Variants in S100A6 observed in about 807,000 individuals in gnomAD.
S100A6 encodes the protein S100 calcium binding protein A6, also known as protein S100-A6.
A neutral mutation model predicts 3.5 loss-of-function variants in S100A6; 3 were observed. The observed-to-expected ratio is 0.87, with a 90% CI of 0.39 to 2.24. S100A6 has a LOEUF of 2.24. Among genes scored for constraint, S100A6 ranks in the 30% most tolerant of loss-of-function variants. The pLI is 0.05. For missense variants in S100A6, 114 were observed against 105.3 expected, an observed-to-expected ratio of 1.08 and a Z score of -0.36; for synonymous variants, 48 against 45.2, an observed-to-expected ratio of 1.06 and a Z score of -0.25.
Position 153,534,674 on chromosome 1 carries a change from T to C in S100A6, c.*22A>G. 1.3e-6 allele frequency: 2 copies of C among 1,577,252 alleles called. No individual in the cohort carries two copies. The highest frequency in any genetic ancestry group is 2.3e-5 in the South Asian group (2 of 86,082). On this transcript the variant is annotated 3_prime_UTR_variant, in exon 3 of 3. Transcript: ENST00000368719. Reference sequence around the variant, plus strand: ...ACTCAGAGAGGACCCCCAGAGGGTGTCTCCATCTTCCCTATTTATTTTCAG... The same window carrying C: ...ACTCAGAGAGGACCCCCAGAGGGTGCCTCCATCTTCCCTATTTATTTTCAG...
rs575037588 is a variant in S100A6 at position 153,535,712 on chromosome 1, C to T, written c.-22+237G>A. ...AGCTTCACAGGGCCACACATGGTGG[C>T]AATGACACACCCAGGGCACTCCCTT... is the stretch of plus-strand genomic sequence containing the variant. On this transcript the variant is annotated intron_variant, in intron 1 of 2. Transcript: ENST00000368719. 2.5e-5 allele frequency: 5 copies of T among 198,418 alleles called. No individual in the cohort carries two copies. In the South Asian group the frequency reaches 3.5e-4, roughly 14 times the overall value. 12.3% of individuals were successfully genotyped at this position (198,418 alleles called of 1,614,324 possible). A position where few individuals can be genotyped will look rare whatever the true frequency, so the allele number is the denominator to read the frequency against.
intron 1 of S100A6, 27 bp downstream of exon 1, chr1:153,535,922 T>C (rs1047200356): frequency 6.6e-6 from 1 of 152,654 alleles, no homozygotes; most frequent in Non-Finnish European, 1.5e-5. Context: ...CCCTGGAAAG[T>C]ACCCAGGGCT....
Position 153,534,792 on chromosome 1 carries a change from G to C in S100A6, c.177C>G (p.Asp59Glu). Residue 59 changes from aspartate to glutamate, a missense_variant, in exon 3 of 3, where the codon GAC becomes GAG. Transcript: ENST00000368719. ...QDAEIARLME[D>E]LDRNKDQEVN... The stretch of plus-strand genomic sequence containing the variant: ...CCTCCTGGTCCTTGTTCCGGTCCAA[G>C]TCTTCCATCAGCCTTGCAATTTCAG... 2.5e-6 allele frequency: 4 copies of C among 1,613,938 alleles called. 1 individual carries two copies. In the Middle Eastern group the frequency reaches 5.0e-4, roughly 203 times the overall value.
chr1:153,534,948 A>T, intron 2 of S100A6, 118 bp from the exon 3 acceptor site: 3 of 1,334,294 alleles, frequency 2.2e-6, no homozygotes, highest in Non-Finnish European at 2.1e-6. Context: ...ATCACCAAGG[A>T]CCCATGTCAC....
intron 1 of S100A6, among the ~76,000 whole-genome samples, chr1:153,535,576 AG>A (rs1243813929): frequency 2.6e-5 from 4 of 152,240 alleles, no homozygotes; most frequent in Non-Finnish European, 4.4e-5. Flanking sequence ...AGAAGCATAT[AG>A]GAACAGTAGC....
Position 153,534,649 on chromosome 1 carries a change from A to G in S100A6, c.*47T>C. 1 of 1,526,600 alleles carries G rather than the reference A, an allele frequency of 6.6e-7. No individual in the cohort carries two copies. The highest frequency in any genetic ancestry group is 8.8e-7 in the Non-Finnish European group (1 of 1,138,328). The allele number at this position is 1,526,600 out of a possible 1,614,324, so 94.6% of individuals were successfully genotyped here. On this transcript the variant is annotated 3_prime_UTR_variant, in exon 3 of 3. Coordinates refer to ENST00000368719, the MANE Select transcript of S100A6 (RefSeq NM_014624.4). Reference sequence around the variant, plus strand: ...GTACAATTACCCACCACTGGATTTGACTCAGAGAGGACCCCCAGAGGGTGT... The same window carrying G: ...GTACAATTACCCACCACTGGATTTGGCTCAGAGAGGACCCCCAGAGGGTGT...
Position 153,535,257 on chromosome 1 carries a change from G to T in S100A6, c.83C>A (p.Thr28Asn). The T allele has an allele frequency of 1.9e-6, 3 of 1,614,142 alleles. No homozygotes were observed. The highest frequency in any genetic ancestry group is 1.7e-6 in the Non-Finnish European group (2 of 1,180,024). Residue 28 changes from threonine (T) to asparagine (N), a missense_variant, in exon 2 of 3, where the codon ACC (threonine) becomes AAC (asparagine). By Grantham distance (65) the Thr-to-Asn change is moderately conservative (BLOSUM62 0). Transcript: ENST00000368719. ...CTCCTTCAGCTCCTTCTTGCTCAGG[G>T]TGTGCTTGTCACCCTCCCTGCCGGA... ...KYSGREGDKH[T>N]LSKKELKELI...
Position 153,535,283 on chromosome 1 carries a change from G to C in S100A6, c.57C>G (p.Tyr19Ter), listed in dbSNP as rs754947589. The C allele has an allele frequency of 6.2e-7, 1 of 1,614,200 alleles. No individual in the cohort carries two copies. Among genetic ancestry groups the C allele is most frequent in the Non-Finnish European group, 8.5e-7 (1 of 1,180,042 alleles). ...IGLLVAIFHK[Y>*]SGREGDKHTL... ...TGTGCTTGTCACCCTCCCTGCCGGAGTACTTGTGGAAGATGGCCACGAGGA... is the reference window on the plus strand; with the variant it reads ...TGTGCTTGTCACCCTCCCTGCCGGACTACTTGTGGAAGATGGCCACGAGGA... The change falls in exon 2 of 3, where the codon TAC (tyrosine) becomes TAG (stop). Residue 19 changes from tyrosine (Y) to a stop codon, truncating the protein, a stop_gained. Coordinates refer to ENST00000368719, the MANE Select transcript of S100A6 (RefSeq NM_014624.4). LOFTEE classifies it high-confidence loss of function.
rs1423851163 is a variant in S100A6 at position 153,534,748 on chromosome 1, A to G, written c.221T>C (p.Val74Ala). Residue 74 changes from valine (V) to alanine (A), a missense_variant, in exon 3 of 3, where the codon GTC becomes GCC. Transcript: ENST00000368719. ...CAAAGCCAAGGCCCCCAGGAAGGTG[A>G]CATACTCCTGGAAGTTCACCTCCTG... The part of the protein sequence containing the change: ...KDQEVNFQEY[V>A]TFLGALALIY... The G allele has an allele frequency of 6.2e-7, 1 of 1,614,014 alleles. No homozygotes were observed. Among genetic ancestry groups the G allele is most frequent in the Admixed American group, 1.7e-5 (1 of 59,998 alleles).
chr1:153,535,273 C>T lies in S100A6; in HGVS notation c.67G>A (p.Glu23Lys). 2.5e-6 allele frequency: 4 copies of T among 1,614,190 alleles called. No homozygotes were observed. Among genetic ancestry groups the T allele is most frequent in the South Asian group, 1.1e-5 (1 of 91,078 alleles). The change falls in exon 2 of 3, where the codon GAG (glutamate) becomes AAG (lysine). Residue 23 changes from glutamate to lysine, a missense_variant. By Grantham distance (56) the Glu-to-Lys change is moderately conservative. Coordinates refer to ENST00000368719, the MANE Select transcript of S100A6 (RefSeq NM_014624.4). ...VAIFHKYSGREGDKHTLSKKE... is the reference protein window; with the variant it reads ...VAIFHKYSGRKGDKHTLSKKE... Reference sequence around the variant, plus strand: ...TTGCTCAGGGTGTGCTTGTCACCCTCCCTGCCGGAGTACTTGTGGAAGATG... The same window carrying T: ...TTGCTCAGGGTGTGCTTGTCACCCTTCCTGCCGGAGTACTTGTGGAAGATG...
Position 153,534,674 on chromosome 1 carries a change from T to G in S100A6, c.*22A>C. 1 of 1,577,252 alleles carries G rather than the reference T, an allele frequency of 6.3e-7. No homozygotes were observed. The highest frequency in any genetic ancestry group is 8.6e-7 in the Non-Finnish European group (1 of 1,162,300). ...ACTCAGAGAGGACCCCCAGAGGGTG[T>G]CTCCATCTTCCCTATTTATTTTCAG... On this transcript the variant is annotated 3_prime_UTR_variant, in exon 3 of 3. Transcript: ENST00000368719.
Position 153,534,701 on chromosome 1 carries a change from C to G in S100A6, c.268G>C (p.Gly90Arg), listed in dbSNP as rs1194117899. ...TCCATCTTCCCTATTTATTTTCAGC[C>G]CTTGAGGGCTTCATTGTAGATCAAA... ...LALIYNEALKG is the reference protein window; with the variant it reads ...LALIYNEALKR The change falls in exon 3 of 3, where the codon GGC becomes CGC. Residue 90 changes from glycine to arginine, a missense_variant. Transcript: ENST00000368719. 5 of 1,607,372 alleles carry G rather than the reference C, an allele frequency of 3.1e-6. No homozygotes were observed. In the South Asian group the frequency reaches 5.6e-5, roughly 18 times the overall value.
intron 2 of S100A6, 101 bp downstream of exon 2, chr1:153,535,101 G>A (rs781350762): frequency 7.3e-6 from 11 of 1,504,422 alleles, no homozygotes; most frequent in East Asian, 2.3e-5. Flanking sequence ...CTCAGAATGT[G>A]GGTAAATGTG....
At chr1:153,534,969 C>T in intron 2 of S100A6, 139 bp from the exon 3 acceptor site, 1 of 1,217,030 alleles carries the variant, frequency 8.2e-7, no homozygotes, top group Non-Finnish European at 1.1e-6. Context: ...TTTGGCATTG[C>T]TTCTCCTCAG....
In S100A6 at chr1:153,535,374, G is replaced by T; in HGVS notation, c.-21-14C>A. ...CTGGGCTTGGAGCTGGCAGCAGAGG[G>T]CCTAGTCAGTGCCATGGGAGCAAGG... On this transcript the variant is annotated splice_polypyrimidine_tract_variant and intron_variant, in intron 1 of 2. Transcript: ENST00000368719. The T allele has an allele frequency of 1.2e-6, 2 of 1,611,474 alleles. No individual in the cohort carries two copies. Among genetic ancestry groups the T allele is most frequent in the Non-Finnish European group, 1.7e-6 (2 of 1,179,162 alleles).
At position 153,534,789 on chromosome 1, in the gene S100A6, C is replaced by G; in HGVS notation, c.180G>C (p.Leu60Phe). Reference sequence around the variant, plus strand: ...TCACCTCCTGGTCCTTGTTCCGGTCCAAGTCTTCCATCAGCCTTGCAATTT... The same window carrying G: ...TCACCTCCTGGTCCTTGTTCCGGTCGAAGTCTTCCATCAGCCTTGCAATTT... ...DAEIARLMED[L>F]DRNKDQEVNF... The change falls in exon 3 of 3, where the codon TTG becomes TTC. Residue 60 changes from leucine to phenylalanine, a missense_variant. Transcript: ENST00000368719. The G allele has an allele frequency of 6.2e-7, 1 of 1,613,916 alleles. No homozygotes were observed. The highest frequency in any genetic ancestry group is 8.5e-7 in the Non-Finnish European group (1 of 1,179,962).
Position 153,534,754 on chromosome 1 carries a change from T to C in S100A6, c.215A>G (p.Glu72Gly). ...CAAGGCCCCCAGGAAGGTGACATAC[T>C]CCTGGAAGTTCACCTCCTGGTCCTT... ...RNKDQEVNFQEYVTFLGALAL... is the reference protein window; with the variant it reads ...RNKDQEVNFQGYVTFLGALAL... Residue 72 changes from glutamate (E) to glycine (G), a missense_variant, in exon 3 of 3, where the codon GAG (glutamate) becomes GGG (glycine). By Grantham distance (98) the Glu-to-Gly change is moderately conservative. Coordinates refer to ENST00000368719, the MANE Select transcript of S100A6 (RefSeq NM_014624.4). 1 of 1,614,050 alleles carries C rather than the reference T, an allele frequency of 6.2e-7. No homozygotes were observed. The highest frequency in any genetic ancestry group is 8.5e-7 in the Non-Finnish European group (1 of 1,179,960).
intron 1 of S100A6, 94 bp from the exon 2 acceptor site, chr1:153,535,454 G>T: frequency 7.5e-7 from 1 of 1,335,382 alleles, no homozygotes; most frequent in African/African-American, 1.5e-5. Context: ...GCCTCCTTTG[G>T]AACCACCCAG....
intron 1 of S100A6, 77 bp from the exon 2 acceptor site, chr1:153,535,437 T>C: frequency 2.1e-6 from 3 of 1,459,888 alleles, no homozygotes; most frequent in Non-Finnish European, 2.8e-6. Context: ...CTGCCTGCAC[T>C]AGCCCCGCCT....
Sources: gnomAD v4.1 joint callset for allele counts (sites outside exome capture counted in the v4.1 genomes callset) on GRCh38, gnomAD v4.1.1 for gene constraint, MANE v1.5 for transcripts, NCBI Gene and HGNC (gene_info 2026-07-23, HGNC 2026-07-21) for gene names.